Variants in PANK2 observed in about 807,000 individuals in gnomAD.
PANK2 encodes the protein pantothenate kinase 2, mitochondrial.
In PANK2, 36 loss-of-function variants were observed where a neutral mutation model predicts 43.1. The observed-to-expected ratio is 0.84, with a 90% CI of 0.64 to 1.10. The LOEUF (loss-of-function observed/expected upper bound fraction) is 1.10. PANK2 is among the 50% of genes least tolerant of loss of function. The probability of loss-of-function intolerance (pLI) is 0.00; values close to 1 mark genes in which losing one functional copy is unlikely to be tolerated. For synonymous variants in PANK2, 281 were observed against 238.2 expected (o/e 1.18, Z -1.66); for missense variants, 576 against 593.3 (o/e 0.97, Z 0.30).
At chr20:3,909,247 A>G (rs2090432745) in intron 2 of PANK2, among the ~76,000 whole-genome samples, 1 of 151,992 alleles carries the variant, frequency 6.6e-6, no homozygotes, top group Non-Finnish European at 1.5e-5. Context: ...CGCCCGGCTA[A>G]TTTTGTATTT....
chr20:3,924,832 G>C lies in PANK2; in HGVS notation c.*1538G>C, dbSNP rs535012401. 1 of 152,480 alleles carries C rather than the reference G, an allele frequency of 6.6e-6. No individual in the cohort carries two copies. Among genetic ancestry groups the C allele is most frequent in the Non-Finnish European group, 1.5e-5 (1 of 68,292 alleles). The allele number at this position is 152,480 out of a possible 1,614,324, so 9.4% of individuals were successfully genotyped here. On this transcript the variant is annotated 3_prime_UTR_variant, in exon 7 of 7. Coordinates refer to ENST00000610179, the MANE Select transcript of PANK2 (RefSeq NM_001386393.1). ...CCTCCTGCTTGTACCACAGGGTGCT[G>C]CTCCCTGGGCCAACTCCTGTGAACT...
At position 3,907,747 on chromosome 20, in the gene PANK2, T is replaced by G. The variant is rs71647835; in HGVS notation, c.299-179T>G. 1.1e-3 allele frequency among the ~76,000 whole-genome samples: 159 copies of G among 151,208 alleles called. 1 individual carries two copies. The highest frequency in any genetic ancestry group is 1.7e-3 in the Non-Finnish European group (117 of 67,712). On this transcript the variant is annotated intron_variant, in intron 1 of 6. Coordinates refer to ENST00000610179, the MANE Select transcript of PANK2 (RefSeq NM_001386393.1). Reference sequence around the variant, plus strand: ...TTCTTTTTCGTCTTTGCCGTAGTATTTTTTTTTTAAGTTATGCATCTAAAT... The same window carrying G: ...TTCTTTTTCGTCTTTGCCGTAGTATGTTTTTTTTAAGTTATGCATCTAAAT...
rs1000383870 is a variant in PANK2 at position 3,929,214 on chromosome 20, G to A, written c.*5920G>A. 1 of 152,278 alleles carries A rather than the reference G, an allele frequency of 6.6e-6. No individual in the cohort carries two copies. Among genetic ancestry groups the A allele is most frequent in the Middle Eastern group, 3.1e-3 (1 of 318 alleles). The allele number at this position is 152,278 out of a possible 1,614,324, so 9.4% of individuals were successfully genotyped here. On this transcript the variant is annotated 3_prime_UTR_variant, in exon 7 of 7. Coordinates refer to ENST00000610179, the MANE Select transcript of PANK2 (RefSeq NM_001386393.1). ...TGAGGAGGCCAGCCTGGGCAACATA[G>A]TGAGTTGAGACCTGTCTCTACAAAA...
rs919296739 is a variant in PANK2 at position 3,923,686 on chromosome 20, T to A, written c.*392T>A. The A allele has an allele frequency of 2.7e-5, 7 of 262,586 alleles. No homozygotes were observed. Among genetic ancestry groups the A allele is most frequent in the Middle Eastern group, 1.4e-3 (1 of 720 alleles). 16.3% of individuals were successfully genotyped at this position (262,586 alleles called of 1,614,324 possible). A position where few individuals can be genotyped will look rare whatever the true frequency, so the allele number is the denominator to read the frequency against. ...AGGCAGGCTACTATGCGTTATAATC[T>A]AATCACAATTTGTCAATATGGTCTT... On this transcript the variant is annotated 3_prime_UTR_variant, in exon 7 of 7. Coordinates refer to ENST00000610179, the MANE Select transcript of PANK2 (RefSeq NM_001386393.1).
intron 1 of PANK2, among the ~76,000 whole-genome samples, chr20:3,894,797 T>C (rs1407555157): frequency 6.6e-6 from 1 of 152,136 alleles, no homozygotes; most frequent in African/African-American, 2.4e-5. Context: ...TTCTTAGATA[T>C]ATAATAAATA....
chr20:3,895,693 T>G (rs1008394849), intron 1 of PANK2, among the ~76,000 whole-genome samples: 1 of 152,148 alleles, frequency 6.6e-6, no homozygotes, highest in African/African-American at 2.4e-5. Flanking sequence ...ACTGTTCAGG[T>G]AAGACTGACT....
Position 3,912,546 on chromosome 20 carries a change from G to A in PANK2, c.994G>A (p.Asp332Asn), listed in dbSNP as rs1339233162. Residue 332 changes from aspartate to asparagine, a missense_variant, in exon 4 of 7, where the codon GAT (aspartate) becomes AAT (asparagine). By Grantham distance (23) the Asp-to-Asn change is conservative. This residue lies in a region of PANK2 where 544 missense variants were observed against 528.9 expected (regional missense o/e 1.03). Transcript: ENST00000610179. The stretch of plus-strand genomic sequence containing the variant: ...AGCTCTTGAAATGGCATCTCGTGGA[G>A]ATAGCACCAAAGTGGATAAACTAGT... The A allele has an allele frequency of 6.2e-7, 1 of 1,614,188 alleles. No individual in the cohort carries two copies.
intron 1 of PANK2, among the ~76,000 whole-genome samples, chr20:3,903,415 T>C (rs2090335899): frequency 6.6e-6 from 1 of 151,410 alleles, no homozygotes; most frequent in Non-Finnish European, 1.5e-5. Flanking sequence ...CCCAAAGTGC[T>C]GGAATTACAG....
chr20:3,895,879 A>G (rs1052620000), intron 1 of PANK2, among the ~76,000 whole-genome samples: 1 of 152,100 alleles, frequency 6.6e-6, no homozygotes, highest in Non-Finnish European at 1.5e-5. Flanking sequence ...CTAGTCCCTG[A>G]GTTTAAAACT....
At chr20:3,912,865 A>G (rs755744146) in intron 4 of PANK2, among the ~76,000 whole-genome samples, 59 of 134,746 alleles carry the variant, frequency 4.4e-4, no homozygotes, top group Admixed American at 5.3e-4. Flanking sequence ...CAGGAGAATC[A>G]CTTGAACCCT....
At position 3,900,026 on chromosome 20, in the gene PANK2, C is replaced by A. The variant is rs2090275484; in HGVS notation, c.299-7900C>A. On this transcript the variant is annotated intron_variant, in intron 1 of 6. Transcript: ENST00000610179. ...GCCCATCAGTTGTACTTTTTATGCACATGAGAGAGTTTTTTTTTTGTCCCT... is the reference window on the plus strand; with the variant it reads ...GCCCATCAGTTGTACTTTTTATGCAAATGAGAGAGTTTTTTTTTTGTCCCT... 2.6e-5 allele frequency among the ~76,000 whole-genome samples: 4 copies of A among 151,834 alleles called. No individual in the cohort carries two copies. In the South Asian group the frequency reaches 8.3e-4, roughly 32 times the overall value.
chr20:3,925,931 TC>T lies in PANK2; in HGVS notation c.*2640del, dbSNP rs2090713952. On this transcript the variant is annotated 3_prime_UTR_variant, in exon 7 of 7. Coordinates refer to ENST00000610179, the MANE Select transcript of PANK2 (RefSeq NM_001386393.1). ...AAACTCTGCTGTTACCATTGCCACT[TC>T]CCTGTCTTAGCAGCTGTCCCTTTCA... 1 of 152,312 alleles carries T rather than the reference TC, an allele frequency of 6.6e-6. No individual in the cohort carries two copies. The highest frequency in any genetic ancestry group is 1.5e-5 in the Non-Finnish European group (1 of 68,170). 9.4% of individuals were successfully genotyped at this position (152,312 alleles called of 1,614,324 possible).
intron 5 of PANK2, chr20:3,917,398 A>G (rs2090579104): frequency 1.9e-6 from 1 of 533,382 alleles, no homozygotes; most frequent in Admixed American, 1.9e-5. Context: ...TAGAGGCCCT[A>G]GGGAGGAATC....
At chr20:3,897,942 G>A (rs1429207213) in intron 1 of PANK2, among the ~76,000 whole-genome samples, 1 of 152,114 alleles carries the variant, frequency 6.6e-6, no homozygotes, top group Non-Finnish European at 1.5e-5. Flanking sequence ...GGGAGGCGGA[G>A]GTTGCAGTGA....
rs747963896 is a variant in PANK2, at chr20:3,910,566, T to C, written c.652-11T>C. 2.8e-5 allele frequency: 45 copies of C among 1,613,952 alleles called. No homozygotes were observed. Among genetic ancestry groups the C allele is most frequent in the Non-Finnish European group, 3.6e-5 (43 of 1,180,000 alleles). On this transcript the variant is annotated splice_polypyrimidine_tract_variant and intron_variant, in intron 2 of 6. Coordinates refer to ENST00000610179, the MANE Select transcript of PANK2 (RefSeq NM_001386393.1). Reference sequence around the variant, plus strand: ...ATTAAAAAGTCTGAGTACATTCTTATTTCATTACAGATAGGTGATCTTCAG... The same window carrying C: ...ATTAAAAAGTCTGAGTACATTCTTACTTCATTACAGATAGGTGATCTTCAG...
At position 3,917,007 on chromosome 20, in the gene PANK2, C is replaced by T. The variant is rs142663318; in HGVS notation, c.1163C>T (p.Thr388Ile). Residue 388 changes from threonine (T) to isoleucine (I), a missense_variant, in exon 5 of 7, where the codon ACC becomes ATC. By Grantham distance (89) the Thr-to-Ile change is moderately conservative (BLOSUM62 -1). This residue lies in a region of PANK2 where 544 missense variants were observed against 528.9 expected (regional missense o/e 1.03). Coordinates refer to ENST00000610179, the MANE Select transcript of PANK2 (RefSeq NM_001386393.1). ...GCCAGAGCGACTTTGATCACCATCA[C>T]CAACAACATTGGCTCAATAGCAAGA... 7.4e-6 allele frequency: 12 copies of T among 1,614,010 alleles called. No homozygotes were observed. The highest frequency in any genetic ancestry group is 1.1e-5 in the South Asian group (1 of 91,080).
chr20:3,889,385 C>T (rs573252413), upstream of PANK2: 33 of 1,574,744 alleles, frequency 2.1e-5, no homozygotes, highest in African/African-American at 3.0e-4. Context: ...GGGCGCGCCT[C>T]TGCTCTGGCT....
upstream of PANK2, chr20:3,888,943 AGCGGCCAGAC>A: frequency 3.5e-6 from 2 of 576,060 alleles, no homozygotes; most frequent in East Asian, 3.0e-5. Flanking sequence ...GCCGACGACC[AGCGGCCAGAC>A]GCTGCGGGAG....
chr20:3,889,550 G>C lies in PANK2; in HGVS notation c.120G>C (p.Gln40His), dbSNP rs1460771326. The change falls in exon 1 of 7, where the codon CAG becomes CAC. Residue 40 changes from glutamine to histidine, a missense_variant. Physicochemically the swap from Gln to His is conservative, Grantham distance 24. Coordinates refer to ENST00000610179, the MANE Select transcript of PANK2 (RefSeq NM_001386393.1). ...CCTCCGTCTCGTCGGCTGGGGAGCA[G>C]GCGGCCGGGGACCCCGAAGGGCGGC... 6 of 1,422,750 alleles carry C rather than the reference G, an allele frequency of 4.2e-6. No individual in the cohort carries two copies. Among genetic ancestry groups the C allele is most frequent in the Non-Finnish European group, 5.5e-6 (6 of 1,099,618 alleles). 88.1% of individuals were successfully genotyped at this position (1,422,750 alleles called of 1,614,324 possible).
Sources: allele counts gnomAD v4.1 joint callset (sites outside exome capture counted in the v4.1 genomes callset), GRCh38; gene constraint gnomAD v4.1.1; regional missense constraint gnomAD v4.1.1; transcripts MANE v1.5; gene names NCBI Gene and HGNC (gene_info 2026-07-23, HGNC 2026-07-21).